The following POU3F3 variants were observed in gnomAD, a reference collection of about 807,000 sequenced individuals.
POU3F3 encodes the protein POU domain, class 3, transcription factor 3.
A neutral mutation model predicts 8.6 loss-of-function variants in POU3F3; 1 was observed. The observed-to-expected ratio is 0.12, with a 90% CI of 0.04 to 0.55. POU3F3 has a LOEUF of 0.55. Among genes scored for constraint, POU3F3 ranks in the 20% least tolerant of loss-of-function variants. The pLI is 0.91. For missense variants in POU3F3, 577 were observed against 690.7 expected (o/e 0.84, Z 1.84); for synonymous variants, 418 against 327.4 (o/e 1.28, Z -2.99).
the POU3F3 span, among the ~76,000 whole-genome samples, chr2:104,880,344 A>G: frequency 5.3e-5 from 8 of 152,134 alleles, no homozygotes; most frequent in Admixed American, 5.2e-4. Context: ...CCTTGGCTCC[A>G]TTTCCAAGTT....
rs1452131053 is a variant in POU3F3 at position 104,855,378 on chromosome 2, G to C, written c.-133G>C. ...GGCGGGGCCGGCGGGGGCCCGGGGC[G>C]GGGGCGGGGAAGGAGGGGGGGAGGA... On this transcript the variant is annotated 5_prime_UTR_variant, in exon 1 of 1. Transcript: ENST00000361360. The C allele has an allele frequency of 4.9e-5, 16 of 324,078 alleles. No individual in the cohort carries two copies. The highest frequency in any genetic ancestry group is 5.6e-5 in the Non-Finnish European group (13 of 233,508). 20.1% of individuals were successfully genotyped at this position (324,078 alleles called of 1,614,324 possible). A position where few individuals can be genotyped will look rare whatever the true frequency, so the allele number is the denominator to read the frequency against.
chr2:104,882,752 T>C, the POU3F3 span, among the ~76,000 whole-genome samples: 1 of 152,208 alleles, frequency 6.6e-6, no homozygotes, highest in Non-Finnish European at 1.5e-5. Context: ...ACACTTGAAG[T>C]CTGAATTCAG....
chr2:104,910,373 C>T, the POU3F3 span, among the ~76,000 whole-genome samples: 1 of 152,154 alleles, frequency 6.6e-6, no homozygotes, highest in Non-Finnish European at 1.5e-5. Flanking sequence ...CTCTACTCTA[C>T]AAATTAAGTG....
chr2:104,857,143 T>A lies in POU3F3; in HGVS notation c.*130T>A. The A allele has an allele frequency of 1.1e-6, 1 of 925,710 alleles. No homozygotes were observed. The highest frequency in any genetic ancestry group is 1.3e-6 in the Non-Finnish European group (1 of 776,408). 57.3% of individuals were successfully genotyped at this position (925,710 alleles called of 1,614,324 possible). The stretch of plus-strand genomic sequence containing the variant: ...GCCGCCGCCGCGCCGACCCTGCACC[T>A]GGGCCGCTCCGGGCTCCAGCCCAGG... On this transcript the variant is annotated 3_prime_UTR_variant, in exon 1 of 1. Transcript: ENST00000361360.
At position 104,856,264 on chromosome 2, in the gene POU3F3, C is replaced by G; in HGVS notation, c.754C>G (p.Gln252Glu). Reference sequence around the variant, plus strand: ...CGGCGGCGGCGCGGGCGGTGGAGCCCAGAGCTTGGTGCACCCGGGGCTGGT... The same window carrying G: ...CGGCGGCGGCGCGGGCGGTGGAGCCGAGAGCTTGGTGCACCCGGGGCTGGT... ...GGGGGAGGGA[Q>E]SLVHPGLVRG... is the part of the protein sequence containing the mutation. Residue 252 changes from glutamine to glutamate, a missense_variant, in exon 1 of 1, where the codon CAG (glutamine) becomes GAG (glutamate). Gln to Glu is a conservative substitution (Grantham distance 29, BLOSUM62 2). Coordinates refer to ENST00000361360, the MANE Select transcript of POU3F3 (RefSeq NM_006236.3). The G allele has an allele frequency of 7.1e-7, 1 of 1,410,662 alleles. No homozygotes were observed. The highest frequency in any genetic ancestry group is 2.9e-5 in the East Asian group (1 of 34,426). The allele number at this position is 1,410,662 out of a possible 1,614,324, so 87.4% of individuals were successfully genotyped here.
At chr2:104,897,451 C>T in the POU3F3 span, among the ~76,000 whole-genome samples, 1 of 152,142 alleles carries the variant, frequency 6.6e-6, no homozygotes, top group South Asian at 2.1e-4. Flanking sequence ...TTTTTACCTT[C>T]CCACCTGCAA....
the POU3F3 span, among the ~76,000 whole-genome samples, chr2:104,896,494 G>A: frequency 6.6e-6 from 1 of 152,214 alleles, no homozygotes; most frequent in East Asian, 1.9e-4. Context: ...CAGTCCAGTT[G>A]TAACACCTGC....
the POU3F3 span, among the ~76,000 whole-genome samples, chr2:104,879,752 C>G: frequency 6.6e-6 from 1 of 152,136 alleles, no homozygotes; most frequent in African/African-American, 2.4e-5. Flanking sequence ...CCTAGCTGTG[C>G]TTGTGAAATT....
the POU3F3 span, among the ~76,000 whole-genome samples, chr2:104,924,808 A>G: frequency 6.6e-6 from 1 of 152,258 alleles, no homozygotes; most frequent in East Asian, 1.9e-4. Context: ...TGCTGGCTAC[A>G]CTATTCACTA....
chr2:104,895,171 C>G, the POU3F3 span, among the ~76,000 whole-genome samples: 1 of 152,038 alleles, frequency 6.6e-6, no homozygotes, highest in Non-Finnish European at 1.5e-5. Context: ...GCTGAGCGGT[C>G]CTCAAAGCCT....
downstream of POU3F3, among the ~76,000 whole-genome samples, chr2:104,859,368 T>C (rs1385951484): frequency 6.6e-6 from 1 of 152,250 alleles, no homozygotes; most frequent in Non-Finnish European, 1.5e-5. Flanking sequence ...ATATTTACAA[T>C]GTGGGAAAAT....
the POU3F3 span, among the ~76,000 whole-genome samples, chr2:104,882,875 A>G: frequency 6.6e-6 from 1 of 152,230 alleles, no homozygotes. Flanking sequence ...AAGAAATATC[A>G]CAGAACAAAG....
the POU3F3 span, among the ~76,000 whole-genome samples, chr2:104,894,061 C>T: frequency 1.1e-4 from 16 of 152,224 alleles, no homozygotes; most frequent in South Asian, 2.1e-4. Flanking sequence ...CTGGCTGTTG[C>T]GGTTAAGATC....
the POU3F3 span, among the ~76,000 whole-genome samples, chr2:104,909,468 C>G: frequency 1.4e-4 from 22 of 152,248 alleles, no homozygotes; most frequent in Non-Finnish European, 2.6e-4. Context: ...AGCTGAAGCT[C>G]TAACTTGCCT....
Position 104,857,539 on chromosome 2 carries a change from A to C in POU3F3, c.*526A>C, listed in dbSNP as rs1676597149. The C allele has an allele frequency of 6.5e-6, 1 of 153,648 alleles. No homozygotes were observed. The highest frequency in any genetic ancestry group is 2.1e-4 in the South Asian group (1 of 4,822). 9.5% of individuals were successfully genotyped at this position (153,648 alleles called of 1,614,324 possible). On this transcript the variant is annotated 3_prime_UTR_variant, in exon 1 of 1. Coordinates refer to ENST00000361360, the MANE Select transcript of POU3F3 (RefSeq NM_006236.3). ...CTTCTCCTCTTTGAAAAAAAGAGAG[A>C]GAGAGAGTCCCCTTTCCTTTCACTT...
At chr2:104,917,007 A>C in the POU3F3 span, among the ~76,000 whole-genome samples, 1 of 152,238 alleles carries the variant, frequency 6.6e-6, no homozygotes, top group African/African-American at 2.4e-5. Context: ...AAAAGGCAGC[A>C]GAAAGATGAT....
chr2:104,879,767 C>A, the POU3F3 span, among the ~76,000 whole-genome samples: 2 of 152,142 alleles, frequency 1.3e-5, no homozygotes, highest in Non-Finnish European at 2.9e-5. Flanking sequence ...GAAATTCATA[C>A]CTACCAAGAG....
rs1332174139 is a variant in POU3F3, at chr2:104,855,139, AC to A, written c.-365del. On this transcript the variant is annotated 5_prime_UTR_variant, in exon 1 of 1. Coordinates refer to ENST00000361360, the MANE Select transcript of POU3F3 (RefSeq NM_006236.3). The stretch of plus-strand genomic sequence containing the variant: ...GCGCCGGGGCTGGGGGGCGGCCACG[AC>A]CCCCCCTGAAGGGGGTGGCCACGGA... Among the ~76,000 whole-genome samples, 2 of 148,402 alleles carry A rather than the reference AC, an allele frequency of 1.3e-5. No homozygotes were observed. The highest frequency in any genetic ancestry group is 6.7e-5 in the Admixed American group (1 of 14,964).
chr2:104,903,723 C>T, the POU3F3 span, among the ~76,000 whole-genome samples: 18 of 152,260 alleles, frequency 1.2e-4, no homozygotes, highest in African/African-American at 2.4e-4. Context: ...GACAAGGAGA[C>T]GGTTAATAAA....
Sources: gnomAD v4.1 joint callset for allele counts (sites outside exome capture counted in the v4.1 genomes callset) on GRCh38, gnomAD v4.1.1 for gene constraint, MANE v1.5 for transcripts, NCBI Gene and HGNC (gene_info 2026-07-23, HGNC 2026-07-21) for gene names.